CACNA2D3: variants seen among roughly 807,000 people sequenced by gnomAD.
The protein encoded by CACNA2D3 is calcium voltage-gated channel auxiliary subunit alpha2delta 3.
A neutral mutation model predicts 160.6 loss-of-function variants in CACNA2D3; 60 were observed. The observed-to-expected ratio is 0.37, with a 90% CI of 0.30 to 0.46. CACNA2D3 has a LOEUF of 0.46. Ranked by LOEUF, CACNA2D3 falls within the 20% of genes least tolerant of loss-of-function variation. The pLI, the probability that CACNA2D3 is intolerant of heterozygous loss-of-function variation, is 1.00. For missense variants in CACNA2D3, 1,205 were observed against 1,365.0 expected (o/e 0.88, Z 1.85); for synonymous variants, 558 against 492.9 (o/e 1.13, Z -1.75).
In CACNA2D3 at chr3:54,399,612, C is replaced by G. The variant is rs1345756923; in HGVS notation, c.381+12838C>G. On this transcript the variant is annotated intron_variant, in intron 4 of 37. Transcript: ENST00000474759. ...TCAGTGTGCCCCTGCTGGGGGGTGC[C>G]TCCCAGTTAGGCTGCTCGGGGGTCA... is the stretch of plus-strand genomic sequence containing the variant. 1.0e-3 allele frequency among the ~76,000 whole-genome samples: 28 copies of G among 27,312 alleles called. 2 individuals carry two copies. Among genetic ancestry groups the G allele is most frequent in the African/African-American group, 4.3e-3 (25 of 5,860 alleles). The allele number at this position is 27,312 out of a possible 152,430, so 17.9% of individuals were successfully genotyped here.
chr3:54,352,038 G>A (rs1301210210), intron 3 of CACNA2D3, among the ~76,000 whole-genome samples: 3 of 152,160 alleles, frequency 2.0e-5, no homozygotes, highest in Non-Finnish European at 2.9e-5. Flanking sequence ...GACCTGTACT[G>A]CATGGATACG....
chr3:54,971,443 G>A, intron 29 of CACNA2D3, among the ~76,000 whole-genome samples: 1 of 152,192 alleles, frequency 6.6e-6, no homozygotes, highest in Non-Finnish European at 1.5e-5. Context: ...TTTACAGTAA[G>A]AGGAGTGAGG....
intron 9 of CACNA2D3, among the ~76,000 whole-genome samples, chr3:54,582,178 C>T (rs1702688764): frequency 2.0e-5 from 3 of 152,176 alleles, no homozygotes; most frequent in African/African-American, 4.8e-5. Context: ...GAATATGGCT[C>T]TTGCTAAGAT....
intron 2 of CACNA2D3, among the ~76,000 whole-genome samples, chr3:54,189,280 G>T (rs1460106861): frequency 6.6e-6 from 1 of 152,192 alleles, no homozygotes; most frequent in Non-Finnish European, 1.5e-5. Flanking sequence ...TTAAGAAGAG[G>T]CTTCCCATGA....
chr3:54,432,591 A>G (rs1700005513), intron 4 of CACNA2D3, among the ~76,000 whole-genome samples: 1 of 152,154 alleles, frequency 6.6e-6, no homozygotes, highest in African/African-American at 2.4e-5. Context: ...GACCCAGTTG[A>G]TGTGTTTCTC....
chr3:55,030,921 G>A (rs1422772528), intron 35 of CACNA2D3, among the ~76,000 whole-genome samples: 1 of 152,058 alleles, frequency 6.6e-6, no homozygotes, highest in Non-Finnish European at 1.5e-5. Flanking sequence ...AATGAGAGGG[G>A]CGCATGTCTA....
At chr3:54,430,136 C>T (rs1290144063) in intron 4 of CACNA2D3, among the ~76,000 whole-genome samples, 1 of 152,198 alleles carries the variant, frequency 6.6e-6, no homozygotes, top group Non-Finnish European at 1.5e-5. Flanking sequence ...CAACTACTTT[C>T]TATGTAAATT....
At chr3:54,568,573 G>A (rs1198200835) in intron 6 of CACNA2D3, among the ~76,000 whole-genome samples, 1 of 152,164 alleles carries the variant, frequency 6.6e-6, no homozygotes, top group Non-Finnish European at 1.5e-5. Flanking sequence ...ATGGTACCTG[G>A]CTTTATGCAA....
At chr3:54,956,763 T>C (rs891641874) in intron 27 of CACNA2D3, among the ~76,000 whole-genome samples, 9 of 152,102 alleles carry the variant, frequency 5.9e-5, no homozygotes, top group African/African-American at 2.2e-4. Context: ...ATTTGAATAT[T>C]TAGATGCATT....
intron 2 of CACNA2D3, among the ~76,000 whole-genome samples, chr3:54,263,748 A>G (rs982017783): frequency 5.3e-5 from 8 of 152,180 alleles, no homozygotes; most frequent in African/African-American, 1.2e-4. Context: ...CAACACAGCA[A>G]TAAGATGGAA....
intron 10 of CACNA2D3, among the ~76,000 whole-genome samples, chr3:54,630,067 G>A (rs551791492): frequency 1.3e-5 from 2 of 152,260 alleles, no homozygotes; most frequent in South Asian, 2.1e-4. Context: ...TGAACCAAGT[G>A]CGGAGCTTTC....
intron 21 of CACNA2D3, among the ~76,000 whole-genome samples, chr3:54,881,136 T>C (rs1006600662): frequency 6.6e-6 from 1 of 152,176 alleles, no homozygotes; most frequent in East Asian, 1.9e-4. Context: ...TATGAGTAAC[T>C]CACAGTCAAC....
At chr3:55,067,244 G>A (rs1015448167) in intron 35 of CACNA2D3, among the ~76,000 whole-genome samples, 1 of 152,130 alleles carries the variant, frequency 6.6e-6, no homozygotes, top group Non-Finnish European at 1.5e-5. Flanking sequence ...TCTGCACTGA[G>A]TGATCACTCT....
intron 2 of CACNA2D3, among the ~76,000 whole-genome samples, chr3:54,139,946 C>T (rs1440566524): frequency 1.3e-5 from 2 of 152,180 alleles, no homozygotes; most frequent in Non-Finnish European, 2.9e-5. Flanking sequence ...GGGTGAGGTT[C>T]CTGAAACCGG....
intron 4 of CACNA2D3, among the ~76,000 whole-genome samples, chr3:54,421,469 G>A (rs933221629): frequency 7.2e-5 from 11 of 152,068 alleles, no homozygotes; most frequent in Non-Finnish European, 1.0e-4. Context: ...AGACTAAAGA[G>A]GGGAAAGAGG....
At chr3:54,174,815 G>A (rs552499763) in intron 2 of CACNA2D3, among the ~76,000 whole-genome samples, 2 of 152,242 alleles carry the variant, frequency 1.3e-5, no homozygotes, top group Non-Finnish European at 2.9e-5. Context: ...GTGAGCCACT[G>A]TGCCTGGCCT....
intron 26 of CACNA2D3, among the ~76,000 whole-genome samples, chr3:54,898,089 T>TTG (rs1559621695): frequency 1.1e-4 from 13 of 121,082 alleles, no homozygotes; most frequent in African/African-American, 3.4e-4. Flanking sequence ...TTGCTTGCTT[T>TTG]CTTCCTTCCT....
chr3:54,446,858 A>G (rs1293322351), intron 4 of CACNA2D3, among the ~76,000 whole-genome samples: 1 of 151,956 alleles, frequency 6.6e-6, no homozygotes, highest in Non-Finnish European at 1.5e-5. Context: ...CTCTCCTGGA[A>G]TTTCTGAGGC....
chr3:54,158,042 A>G (rs1700276446), intron 2 of CACNA2D3, among the ~76,000 whole-genome samples: 2 of 152,228 alleles, frequency 1.3e-5, no homozygotes, highest in South Asian at 4.1e-4. Flanking sequence ...TGGTGCTGGA[A>G]GCACTGAAGA....
Sources: gnomAD v4.1 joint callset for allele counts (sites outside exome capture counted in the v4.1 genomes callset) on GRCh38, gnomAD v4.1.1 for gene constraint, MANE v1.5 for transcripts, NCBI Gene and HGNC (gene_info 2026-07-23, HGNC 2026-07-21) for gene names.